ANXA2: variants seen among roughly 807,000 people sequenced by gnomAD.
ANXA2 encodes annexin A2.
ANXA2 carries 28 observed loss-of-function variants against 47.3 expected under a neutral mutation model. The ratio of observed to expected loss-of-function variants is 0.59; its 90% CI spans 0.44 to 0.81. The LOEUF (loss-of-function observed/expected upper bound fraction) is 0.81. Ranked by LOEUF, ANXA2 falls within the 40% of genes least tolerant of loss-of-function variation. The probability of loss-of-function intolerance (pLI) is 0.00; values close to 1 mark genes in which losing one functional copy is unlikely to be tolerated. For synonymous variants in ANXA2, 172 were observed against 155.5 expected, an observed-to-expected ratio of 1.11 and a Z score of -0.79; for missense variants, 384 against 414.3, an observed-to-expected ratio of 0.93 and a Z score of 0.64.
chr15:60,349,154 G>A lies in ANXA2; in HGVS notation c.881C>T (p.Ser294Phe), dbSNP rs551111643. 2.5e-6 allele frequency: 4 copies of A among 1,614,046 alleles called. No individual in the cohort carries two copies. Among genetic ancestry groups the A allele is most frequent in the South Asian group, 2.2e-5 (2 of 91,070 alleles). ...RDKVLIRIMV[S>F]RSEVDMLKIR... The stretch of plus-strand genomic sequence containing the variant: ...TTTCAACATGTCCACTTCACTGCGG[G>A]AGACCATGATTCTGATCAGGACCTT... The change falls in exon 12 of 13, where the codon TCC becomes TTC. Residue 294 changes from serine to phenylalanine, a missense_variant. Coordinates refer to ENST00000451270, the MANE Select transcript of ANXA2 (RefSeq NM_004039.3).
At chr15:60,360,257 AAAAACAAAAC>A (rs374584181) in intron 5 of ANXA2, among the ~76,000 whole-genome samples, 3,705 of 152,292 alleles carry the variant, frequency 0.024, 128 homozygotes, top group African/African-American at 0.076. Context: ...ATCCATCTCA[AAAAACAAAAC>A]AAAACAAAAC....
chr15:60,390,512 T>C (rs1185457211), intron 1 of ANXA2: 2 of 493,778 alleles, frequency 4.1e-6, no homozygotes, highest in East Asian at 1.2e-4. Context: ...CTATGGTGGG[T>C]AGACTAAGGC....
At position 60,352,441 on chromosome 15, in the gene ANXA2, A is replaced by T. The variant is rs189333401; in HGVS notation, c.624T>A (p.Thr208=). The T allele has an allele frequency of 6.2e-7, 1 of 1,613,840 alleles. No individual in the cohort carries two copies. Among genetic ancestry groups the T allele is most frequent in the South Asian group, 1.1e-5 (1 of 91,042 alleles). ...TGATGCTGATCCACTTGGGAACATCAGTTCCTTTCCTCTTCACTCCAGCGT... is the reference window on the plus strand; with the variant it reads ...TGATGCTGATCCACTTGGGAACATCTGTTCCTTTCCTCTTCACTCCAGCGT... ...LYDAGVKRKG[T]DVPKWISIMT... The change falls in exon 9 of 13, where the codon ACT becomes ACA. Residue 208 remains threonine (T), a synonymous_variant. Coordinates refer to ENST00000451270, the MANE Select transcript of ANXA2 (RefSeq NM_004039.3). This position sits in a 1 kb window ranked among gnomAD's most constrained non-coding sequence, Gnocchi z 4.2.
intron 4 of ANXA2, chr15:60,362,911 T>G (rs2062537062): frequency 6.6e-6 from 1 of 151,764 alleles, no homozygotes; most frequent in East Asian, 1.9e-4. Flanking sequence ...GGCTTATGAC[T>G]GTAATCCCAG....
chr15:60,392,572 G>T (rs1463828338), intron 1 of ANXA2, among the ~76,000 whole-genome samples: 1 of 152,154 alleles, frequency 6.6e-6, no homozygotes, highest in African/African-American at 2.4e-5. Flanking sequence ...AAACTTAAAA[G>T]TCAACACTTC....
At chr15:60,355,870 A>C (rs972655033) in intron 7 of ANXA2, 49 bp downstream of exon 7, 3 of 1,435,674 alleles carry the variant, frequency 2.1e-6, no homozygotes. Context: ...GAGGTATGTG[A>C]CTTGCCTTGG....
At chr15:60,358,746 T>C (rs1407802961) in intron 5 of ANXA2, among the ~76,000 whole-genome samples, 3 of 152,194 alleles carry the variant, frequency 2.0e-5, no homozygotes, top group Non-Finnish European at 4.4e-5. Flanking sequence ...ACCGAGTATC[T>C]TTGAATATTT....
chr15:60,394,542 T>C (rs2063055540), intron 1 of ANXA2: 1 of 151,878 alleles, frequency 6.6e-6, no homozygotes, highest in Non-Finnish European at 1.5e-5. Context: ...CTACTAAAAA[T>C]ACAAAGATTA....
At chr15:60,382,279 A>G (rs1330584277) in intron 3 of ANXA2, 63 bp downstream of exon 3, 3 of 1,313,158 alleles carry the variant, frequency 2.3e-6, no homozygotes, top group African/African-American at 2.9e-5. Context: ...GAGGGAGAAT[A>G]AAGAGACAAC....
chr15:60,372,461 A>T (rs2062723043), intron 3 of ANXA2, among the ~76,000 whole-genome samples: 1 of 152,082 alleles, frequency 6.6e-6, no homozygotes, highest in African/African-American at 2.4e-5. Context: ...CAAGAGGAAG[A>T]CAGCATATCC....
intron 1 of ANXA2, among the ~76,000 whole-genome samples, chr15:60,388,992 A>G (rs2062971879): frequency 6.6e-6 from 1 of 151,892 alleles, no homozygotes; most frequent in African/African-American, 2.4e-5. Flanking sequence ...TAACTTCAAC[A>G]TGGACCAAGA....
chr15:60,383,313 G>A (rs1481903431), intron 2 of ANXA2: 1 of 152,232 alleles, frequency 6.6e-6, no homozygotes, highest in African/African-American at 2.4e-5. Flanking sequence ...ATTTTTTGTA[G>A]AGACAGGATT....
chr15:60,365,920 T>C (rs1011594028), intron 3 of ANXA2, among the ~76,000 whole-genome samples: 1 of 131,476 alleles, frequency 7.6e-6, no homozygotes, highest in Non-Finnish European at 1.6e-5. Context: ...ACGGTACTGC[T>C]GCCATCTCGG....
At chr15:60,356,840 T>A (rs1268398633) in intron 6 of ANXA2, among the ~76,000 whole-genome samples, 1 of 152,176 alleles carries the variant, frequency 6.6e-6, no homozygotes, top group Non-Finnish European at 1.5e-5. Context: ...AATCCATATA[T>A]AATACTTGCT....
At chr15:60,388,351 T>C (rs1269361270) in intron 1 of ANXA2, among the ~76,000 whole-genome samples, 2 of 152,236 alleles carry the variant, frequency 1.3e-5, no homozygotes, top group African/African-American at 2.4e-5. Context: ...AGACATAGTA[T>C]GAAAAAATTA....
intron 4 of ANXA2, chr15:60,361,630 T>C (rs1233766275): frequency 6.5e-6 from 1 of 152,738 alleles, no homozygotes; most frequent in South Asian, 2.1e-4. Context: ...AATATCTCCT[T>C]GTCCACACCA....
chr15:60,397,907 G>A, intron 1 of ANXA2, 36 bp downstream of exon 1: 1 of 1,340,678 alleles, frequency 7.5e-7, no homozygotes, highest in Non-Finnish European at 9.6e-7. Flanking sequence ...GCTAGCTGGC[G>A]GCCCATCGCG....
chr15:60,347,979 G>A (rs189422271), intron 12 of ANXA2, among the ~76,000 whole-genome samples: 10 of 152,222 alleles, frequency 6.6e-5, no homozygotes, highest in Admixed American at 3.9e-4. Context: ...TAGTGACCAG[G>A]GCTGTTCTTA....
chr15:60,377,119 G>T (rs140829857), intron 3 of ANXA2, among the ~76,000 whole-genome samples: 5 of 152,202 alleles, frequency 3.3e-5, no homozygotes, highest in Non-Finnish European at 7.3e-5. Context: ...CCCGATGAAG[G>T]GTTAGAGGTG....
Sources: allele counts gnomAD v4.1 joint callset (sites outside exome capture counted in the v4.1 genomes callset), GRCh38; gene constraint gnomAD v4.1.1; non-coding constraint Gnocchi (gnomAD v3.1); transcripts MANE v1.5; gene names NCBI Gene and HGNC (gene_info 2026-07-23, HGNC 2026-07-21).